SLC28A3: variants seen among roughly 807,000 people sequenced by gnomAD.
SLC28A3 encodes solute carrier family 28 member 3.
In SLC28A3, 68 loss-of-function variants were observed where a neutral mutation model predicts 84.2. The observed-to-expected ratio is 0.81, with a 90% CI of 0.66 to 0.99. The LOEUF (loss-of-function observed/expected upper bound fraction) is 0.99, where lower values mean the gene tolerates loss of function less well. SLC28A3 is among the 50% of genes least tolerant of loss of function. The pLI is 0.00. For missense variants in SLC28A3, 712 were observed against 841.5 expected (o/e 0.85, Z 1.90); for synonymous variants, 267 against 303.6 (o/e 0.88, Z 1.25).
chr9:84,349,539 C>G, the SLC28A3 span, among the ~76,000 whole-genome samples: 1 of 152,196 alleles, frequency 6.6e-6, no homozygotes, highest in East Asian at 1.9e-4. Flanking sequence ...GTCCGGCTTA[C>G]TTGTTTTTTA....
chr9:84,328,350 G>C (rs2118562031), intron 1 of SLC28A3, among the ~76,000 whole-genome samples: 1 of 150,586 alleles, frequency 6.6e-6, no homozygotes. Flanking sequence ...AAAAAAACAT[G>C]ATCTGGCCAG....
chr9:84,294,600 G>A (rs1825348454), intron 8 of SLC28A3, among the ~76,000 whole-genome samples: 1 of 152,168 alleles, frequency 6.6e-6, no homozygotes, highest in Admixed American at 6.6e-5. Context: ...AAAGACATGG[G>A]CTTCACCACT....
Position 84,290,188 on chromosome 9 carries a change from G to A in SLC28A3, c.1115C>T (p.Ala372Val). 2 of 1,614,166 alleles carry A rather than the reference G, an allele frequency of 1.2e-6. No homozygotes were observed. The highest frequency in any genetic ancestry group is 1.7e-6 in the Non-Finnish European group (2 of 1,180,006). Residue 372 changes from alanine (A) to valine (V), a missense_variant, in exon 11 of 18, where the codon GCT becomes GTT. Ala to Val is a moderately conservative substitution (Grantham distance 64). Transcript: ENST00000376238. Reference sequence around the variant, plus strand: ...AATGTATGCACCTAGCACGCTTCCAGCAATGGTAGAGAACCCGGCGGTCAT... The same window carrying A: ...AATGTATGCACCTAGCACGCTTCCAACAATGGTAGAGAACCCGGCGGTCAT... ...AIMTAGFSTI[A>V]GSVLGAYISF... is the part of the protein sequence containing the mutation.
rs1041534121 is a variant in SLC28A3 at position 84,323,200 on chromosome 9, A to G, written c.61-9746T>C. ...AGCATCCCCAACTAAATGGTTGATT[A>G]ATAGCTGATATTTGAGCATTTGCTA... is the stretch of plus-strand genomic sequence containing the variant. On this transcript the variant is annotated intron_variant, in intron 1 of 17. Coordinates refer to ENST00000376238, the MANE Select transcript of SLC28A3 (RefSeq NM_001199633.2). Among the ~76,000 whole-genome samples the G allele has an allele frequency of 3.9e-5, 6 of 152,184 alleles. No homozygotes were observed. In the South Asian group the frequency reaches 1.2e-3, roughly 32 times the overall value.
the SLC28A3 span, among the ~76,000 whole-genome samples, chr9:84,359,395 G>T: frequency 6.6e-6 from 1 of 152,084 alleles, no homozygotes; most frequent in Admixed American, 6.6e-5. Context: ...ATTAATAAAA[G>T]AAAAACATTA....
the SLC28A3 span, among the ~76,000 whole-genome samples, chr9:84,357,954 C>T: frequency 2.6e-5 from 4 of 152,170 alleles, no homozygotes; most frequent in Non-Finnish European, 5.9e-5. Context: ...AGGAATGAGG[C>T]AGATGTACAG....
the SLC28A3 span, among the ~76,000 whole-genome samples, chr9:84,368,669 G>A: frequency 3.3e-5 from 5 of 152,028 alleles, no homozygotes; most frequent in Non-Finnish European, 7.4e-5. Flanking sequence ...CAAGATGCAA[G>A]ACAAAGTCCT....
intron 1 of SLC28A3, among the ~76,000 whole-genome samples, chr9:84,339,727 A>T (rs1827094796): frequency 6.6e-6 from 1 of 152,200 alleles, no homozygotes; most frequent in African/African-American, 2.4e-5. Context: ...GGAGATGGGC[A>T]TCACTGTGAC....
intron 1 of SLC28A3, among the ~76,000 whole-genome samples, chr9:84,314,312 G>C (rs755143164): frequency 6.6e-6 from 1 of 152,100 alleles, no homozygotes; most frequent in South Asian, 2.1e-4. Context: ...GTTTCCAGAA[G>C]TGACAAACAC....
chr9:84,325,343 T>C (rs1366711470), intron 1 of SLC28A3, among the ~76,000 whole-genome samples: 2 of 152,232 alleles, frequency 1.3e-5, no homozygotes, highest in African/African-American at 4.8e-5. Context: ...CCTAGTATTT[T>C]CCTTCCATCT....
In SLC28A3 at chr9:84,280,210, C is replaced by A. The variant is rs1824692091; in HGVS notation, c.1730-137G>T. On this transcript the variant is annotated intron_variant, in intron 15 of 17. Coordinates refer to ENST00000376238, the MANE Select transcript of SLC28A3 (RefSeq NM_001199633.2). ...TTTTCTTTAACTTAGCTGGGAAATT[C>A]AAGATTCAAGAACTTAGTAATAAAC... 4 of 652,974 alleles carry A rather than the reference C, an allele frequency of 6.1e-6. No homozygotes were observed. In the African/African-American group the frequency reaches 7.4e-5, roughly 12 times the overall value. The allele number at this position is 652,974 out of a possible 1,614,324, so 40.4% of individuals were successfully genotyped here.
chr9:84,328,156 TACACACACAC>T lies in SLC28A3; in HGVS notation c.60+12408_60+12417del, dbSNP rs71498096. Among the ~76,000 whole-genome samples the T allele has an allele frequency of 2.1e-3, 280 of 131,966 alleles. 1 individual carries two copies. The highest frequency in any genetic ancestry group is 7.5e-3 in the African/African-American group (261 of 34,942). 86.6% of individuals were successfully genotyped at this position (131,966 alleles called of 152,430 possible). A position where few individuals can be genotyped will look rare whatever the true frequency, so the allele number is the denominator to read the frequency against. On this transcript the variant is annotated intron_variant, in intron 1 of 17. Transcript: ENST00000376238. ...AGGAAGTAATAGAGGGGGAAAAGAC[TACACACACAC>T]ACACACACACACACACACACACACA...
intron 10 of SLC28A3, 126 bp from the exon 11 acceptor site, chr9:84,290,405 C>T: frequency 8.5e-7 from 1 of 1,175,322 alleles, no homozygotes; most frequent in Non-Finnish European, 1.1e-6. Context: ...CTCAGACCAG[C>T]TCCATCAGCG....
chr9:84,281,404 C>G (rs1014333171), intron 14 of SLC28A3, among the ~76,000 whole-genome samples: 1 of 152,152 alleles, frequency 6.6e-6, no homozygotes, highest in African/African-American at 2.4e-5. Context: ...AAAAGATGTT[C>G]AACATCATTG....
chr9:84,309,709 T>C lies in SLC28A3; in HGVS notation c.162A>G (p.Glu54=), dbSNP rs1825926108. The C allele has an allele frequency of 1.2e-6, 2 of 1,613,620 alleles. No homozygotes were observed. Among genetic ancestry groups the C allele is most frequent in the Admixed American group, 3.3e-5 (2 of 59,942 alleles). Residue 54 remains glutamate, a synonymous_variant, in exon 3 of 18, where the codon GAA becomes GAG. Transcript: ENST00000376238. ...SREHTNTKQD[E]EQVTVEQDSP... ...AATCCTGCTCAACTGTGACCTGTTC[T>C]TCATCCTGGAAATCAAACATTGGAG...
intron 1 of SLC28A3, among the ~76,000 whole-genome samples, chr9:84,330,453 G>A (rs915554582): frequency 1.3e-5 from 2 of 152,160 alleles, no homozygotes; most frequent in Admixed American, 6.5e-5. Flanking sequence ...ACATGCTTAC[G>A]TGGGTGATCC....
At chr9:84,343,402 C>T (rs1827202176), upstream of SLC28A3, among the ~76,000 whole-genome samples, 1 of 152,092 alleles carries the variant, frequency 6.6e-6, no homozygotes, top group African/African-American at 2.4e-5. Flanking sequence ...TCACATAGCT[C>T]AGACTGTGGG....
chr9:84,356,309 T>C, the SLC28A3 span, among the ~76,000 whole-genome samples: 1 of 152,242 alleles, frequency 6.6e-6, no homozygotes, highest in East Asian at 1.9e-4. Context: ...CCTCAAGGCC[T>C]GAGGAGGTCA....
chr9:84,317,155 G>T (rs1286794515), intron 1 of SLC28A3, among the ~76,000 whole-genome samples: 3 of 152,138 alleles, frequency 2.0e-5, no homozygotes, highest in Non-Finnish European at 1.5e-5. Flanking sequence ...TAGAATCTCA[G>T]CCCAGACTGT....
Sources: gnomAD v4.1 joint callset for allele counts (sites outside exome capture counted in the v4.1 genomes callset) on GRCh38, gnomAD v4.1.1 for gene constraint, MANE v1.5 for transcripts, NCBI Gene and HGNC (gene_info 2026-07-23, HGNC 2026-07-21) for gene names.